PACSIN1: variants seen among roughly 807,000 people sequenced by gnomAD.
The protein encoded by PACSIN1 is protein kinase C and casein kinase substrate in neurons 1.
A neutral mutation model predicts 59.5 loss-of-function variants in PACSIN1; 15 were observed. The ratio of observed to expected loss-of-function variants is 0.25; its 90% CI spans 0.17 to 0.39. The LOEUF is 0.39. Ranked by LOEUF, PACSIN1 falls within the 10% of genes least tolerant of loss-of-function variation. The pLI is 1.00. For missense variants in PACSIN1, 420 were observed against 580.2 expected (o/e 0.72, Z 2.84); for synonymous variants, 210 against 220.6 (o/e 0.95, Z 0.42).
chr6:34,521,237 G>A lies in PACSIN1; in HGVS notation c.-63-5006G>A, dbSNP rs568680972. ...GGGCTGTGAAGAATAATACGGAGAGGACAGGGAGGAGGTGGGGGCTCAGGA... is the reference window on the plus strand; with the variant it reads ...GGGCTGTGAAGAATAATACGGAGAGAACAGGGAGGAGGTGGGGGCTCAGGA... On this transcript the variant is annotated intron_variant, in intron 1 of 9. Coordinates refer to ENST00000244458, the MANE Select transcript of PACSIN1 (RefSeq NM_020804.5). The surrounding 1 kb of genome is among the most constrained non-coding windows in gnomAD (Gnocchi z 4.3). 7.2e-5 allele frequency among the ~76,000 whole-genome samples: 11 copies of A among 152,272 alleles called. No individual in the cohort carries two copies. The highest frequency in any genetic ancestry group is 2.4e-4 in the African/African-American group (10 of 41,542).
In PACSIN1 at chr6:34,525,766, C is replaced by T. The variant is rs577009189; in HGVS notation, c.-63-477C>T. ...AGGGCAGACACAGCCACCCCAGACG[C>T]TCCCATAGATCTCGGTGGTGTGACC... On this transcript the variant is annotated intron_variant, in intron 1 of 9. Transcript: ENST00000244458. This position sits in a 1 kb window ranked among gnomAD's most constrained non-coding sequence, Gnocchi z 4.9. 1.3e-5 allele frequency among the ~76,000 whole-genome samples: 2 copies of T among 152,328 alleles called. No homozygotes were observed. The highest frequency in any genetic ancestry group is 4.8e-5 in the African/African-American group (2 of 41,562).
chr6:34,480,357 TGGGACCACAGGTG>T lies in PACSIN1; in HGVS notation c.-64+14088_-64+14100del, dbSNP rs1346641381. Among the ~76,000 whole-genome samples the T allele has an allele frequency of 9.0e-3, 1,365 of 151,882 alleles. 12 individuals are homozygous for T. Among genetic ancestry groups the T allele is most frequent in the African/African-American group, 0.024 (976 of 41,412 alleles). On this transcript the variant is annotated intron_variant, in intron 1 of 9. Coordinates refer to ENST00000244458, the MANE Select transcript of PACSIN1 (RefSeq NM_020804.5). ...CTCCCACCTCAGCCTCTCGAGTGGC[TGGGACCACAGGTG>T]TGCACCACCACACCCAGCTAATTTT... is the stretch of plus-strand genomic sequence containing the variant.
rs1015206595 is a variant in PACSIN1, at chr6:34,516,546, G to A, written c.-63-9697G>A. ...CCAGGCCTGCTGGCCTCAGTTGCCCGTCAGCGGCCGCCCCCACCTCCACTG... is the reference window on the plus strand; with the variant it reads ...CCAGGCCTGCTGGCCTCAGTTGCCCATCAGCGGCCGCCCCCACCTCCACTG... On this transcript the variant is annotated intron_variant, in intron 1 of 9. Coordinates refer to ENST00000244458, the MANE Select transcript of PACSIN1 (RefSeq NM_020804.5). This position sits in a 1 kb window ranked among gnomAD's most constrained non-coding sequence, Gnocchi z 5.4. Among the ~76,000 whole-genome samples, 23 of 152,188 alleles carry A rather than the reference G, an allele frequency of 1.5e-4. No individual in the cohort carries two copies. Among genetic ancestry groups the A allele is most frequent in the Admixed American group, 5.9e-4 (9 of 15,282 alleles).
intron 1 of PACSIN1, among the ~76,000 whole-genome samples, chr6:34,503,408 G>A (rs1767057855): frequency 6.6e-6 from 1 of 152,222 alleles, no homozygotes; most frequent in Non-Finnish European, 1.5e-5. Flanking sequence ...AGAGCAATGG[G>A]GAGGAAAGTG....
Position 34,532,376 on chromosome 6 carries a change from G to A in PACSIN1, c.1226-45G>A. On this transcript the variant is annotated intron_variant, in intron 9 of 9. Transcript: ENST00000244458. This position sits in a 1 kb window ranked among gnomAD's most constrained non-coding sequence, Gnocchi z 5.2. ...CCCTAGCAGCCGGTGCGTTGAGGGA[G>A]GGGCAGCCTTCTCTCTGAGCCCCTC... 1 of 1,324,072 alleles carries A rather than the reference G, an allele frequency of 7.6e-7. No individual in the cohort carries two copies. The highest frequency in any genetic ancestry group is 1.1e-6 in the Non-Finnish European group (1 of 940,492). 82.0% of individuals were successfully genotyped at this position (1,324,072 alleles called of 1,614,324 possible).
In PACSIN1 at chr6:34,527,370, C is replaced by T. The variant is rs1331036286; in HGVS notation, c.102C>T (p.Asp34=). 9 of 1,595,306 alleles carry T rather than the reference C, an allele frequency of 5.6e-6. No homozygotes were observed. Among genetic ancestry groups the T allele is most frequent in the Non-Finnish European group, 6.8e-6 (8 of 1,172,056 alleles). ...AGCGGACCGTGAAGCGCATCGATGA[C>T]GGCCACCGTCTATGCAACGACCTGA... is the stretch of plus-strand genomic sequence containing the variant. ...NYKRTVKRID[D]GHRLCNDLMN... is the part of the protein sequence containing the mutation. Residue 34 remains aspartate, a synonymous_variant, in exon 3 of 10, where the codon GAC becomes GAT. Coordinates refer to ENST00000244458, the MANE Select transcript of PACSIN1 (RefSeq NM_020804.5).
In PACSIN1 at chr6:34,532,294, G is replaced by A; in HGVS notation, c.1226-127G>A. ...GGGACTGGGGCTGGTTTCCAGGGGCGGGGCCTAAGAATCTAAAACCCAGTG... is the reference window on the plus strand; with the variant it reads ...GGGACTGGGGCTGGTTTCCAGGGGCAGGGCCTAAGAATCTAAAACCCAGTG... On this transcript the variant is annotated intron_variant, in intron 9 of 9. Coordinates refer to ENST00000244458, the MANE Select transcript of PACSIN1 (RefSeq NM_020804.5). This position sits in a 1 kb window ranked among gnomAD's most constrained non-coding sequence, Gnocchi z 5.2. 2 of 655,502 alleles carry A rather than the reference G, an allele frequency of 3.1e-6. No individual in the cohort carries two copies. 40.6% of individuals were successfully genotyped at this position (655,502 alleles called of 1,614,324 possible).
intron 1 of PACSIN1, among the ~76,000 whole-genome samples, chr6:34,499,834 C>A (rs1297402197): frequency 6.6e-6 from 1 of 151,904 alleles, no homozygotes; most frequent in African/African-American, 2.4e-5. Flanking sequence ...AGGGAAGAAT[C>A]TTTATGACAC....
Position 34,466,252 on chromosome 6 carries a change from C to A in PACSIN1, c.-82C>A, listed in dbSNP as rs1391657865. 12 of 152,234 alleles carry A rather than the reference C, an allele frequency of 7.9e-5. No homozygotes were observed. Among genetic ancestry groups the A allele is most frequent in the African/African-American group, 2.7e-4 (11 of 41,438 alleles). The allele number at this position is 152,234 out of a possible 1,614,324, so 9.4% of individuals were successfully genotyped here. A position where few individuals can be genotyped will look rare whatever the true frequency, so the allele number is the denominator to read the frequency against. On this transcript the variant is annotated 5_prime_UTR_variant, in exon 1 of 10. Transcript: ENST00000244458. Reference sequence around the variant, plus strand: ...CGCCCCGAGTCGCCGCCGATGGTCCCCGGAGCTCCTGCCCCCAGGTAGGAG... The same window carrying A: ...CGCCCCGAGTCGCCGCCGATGGTCCACGGAGCTCCTGCCCCCAGGTAGGAG...
intron 1 of PACSIN1, among the ~76,000 whole-genome samples, chr6:34,483,698 TG>T (rs921797512): frequency 7.6e-6 from 1 of 131,750 alleles, no homozygotes; most frequent in African/African-American, 2.9e-5. Context: ...CAGGCTGGAG[TG>T]CAATGGTGCA....
intron 1 of PACSIN1, among the ~76,000 whole-genome samples, chr6:34,479,129 T>TA (rs1766680726): frequency 6.6e-6 from 1 of 152,222 alleles, no homozygotes; most frequent in Non-Finnish European, 1.5e-5. Context: ...CACTAGGCCC[T>TA]ACCTCCCAAC....
intron 1 of PACSIN1, among the ~76,000 whole-genome samples, chr6:34,493,770 T>C (rs144570024): frequency 1.3e-5 from 2 of 152,160 alleles, no homozygotes; most frequent in African/African-American, 4.8e-5. Flanking sequence ...CACATTAGAG[T>C]ATTATCAGAT....
intron 1 of PACSIN1, among the ~76,000 whole-genome samples, chr6:34,513,173 G>T (rs1245968046): frequency 6.6e-6 from 1 of 152,226 alleles, no homozygotes; most frequent in East Asian, 1.9e-4. Flanking sequence ...TGCATCTCAA[G>T]ATGATTTTTC....
intron 1 of PACSIN1, among the ~76,000 whole-genome samples, chr6:34,494,243 C>T (rs986666449): frequency 6.6e-6 from 1 of 152,150 alleles, no homozygotes; most frequent in Non-Finnish European, 1.5e-5. Flanking sequence ...TCCCCAGTGC[C>T]CATCCCCATT....
rs1178246513 is a variant in PACSIN1, at chr6:34,534,921, C to T, written c.*2391C>T. The T allele has an allele frequency of 6.5e-6, 1 of 152,772 alleles. No homozygotes were observed. Among genetic ancestry groups the T allele is most frequent in the Non-Finnish European group, 1.5e-5 (1 of 68,128 alleles). 9.5% of individuals were successfully genotyped at this position (152,772 alleles called of 1,614,324 possible). A position where few individuals can be genotyped will look rare whatever the true frequency, so the allele number is the denominator to read the frequency against. On this transcript the variant is annotated 3_prime_UTR_variant, in exon 10 of 10. Coordinates refer to ENST00000244458, the MANE Select transcript of PACSIN1 (RefSeq NM_020804.5). ...CCTCCTCCTGTAGCTCCTGCCTGCACCCACGATGCTGCACGGGCCCGCCCT... is the reference window on the plus strand; with the variant it reads ...CCTCCTCCTGTAGCTCCTGCCTGCATCCACGATGCTGCACGGGCCCGCCCT...
In PACSIN1 at chr6:34,534,622, G is replaced by T; in HGVS notation, c.*2092G>T. 6.5e-6 allele frequency: 1 copy of T among 152,844 alleles called. No individual in the cohort carries two copies. The highest frequency in any genetic ancestry group is 1.5e-5 in the Non-Finnish European group (1 of 68,138). The allele number at this position is 152,844 out of a possible 1,614,324, so 9.5% of individuals were successfully genotyped here. A position where few individuals can be genotyped will look rare whatever the true frequency, so the allele number is the denominator to read the frequency against. On this transcript the variant is annotated 3_prime_UTR_variant, in exon 10 of 10. Transcript: ENST00000244458. ...CAGCGGCTTCCCAGCACCTGGGAGG[G>T]GCTGCAGCCCCAGCTGGACTCCAGC... is the stretch of plus-strand genomic sequence containing the variant.
At chr6:34,466,772 A>AG (rs1766502939) in intron 1 of PACSIN1, among the ~76,000 whole-genome samples, 1 of 151,856 alleles carries the variant, frequency 6.6e-6, no homozygotes, top group Admixed American at 6.6e-5. Flanking sequence ...GGGAGCGGGG[A>AG]GGGGGGAGGA....
chr6:34,468,605 A>AGGCCTTT (rs1561953234), intron 1 of PACSIN1, among the ~76,000 whole-genome samples: 1 of 152,164 alleles, frequency 6.6e-6, no homozygotes, highest in African/African-American at 2.4e-5. Flanking sequence ...TGTCACCTGC[A>AGGCCTTT]GGCCTTTGCA....
chr6:34,502,746 G>A (rs1296160014), intron 1 of PACSIN1, among the ~76,000 whole-genome samples: 6 of 152,082 alleles, frequency 3.9e-5, no homozygotes, highest in Non-Finnish European at 8.8e-5. Context: ...GATCACAGGC[G>A]TGAGCCACCG....
Sources: allele counts gnomAD v4.1 joint callset (sites outside exome capture counted in the v4.1 genomes callset), GRCh38; gene constraint gnomAD v4.1.1; non-coding constraint Gnocchi (gnomAD v3.1); transcripts MANE v1.5; gene names NCBI Gene and HGNC (gene_info 2026-07-23, HGNC 2026-07-21).